NRK: variants seen among roughly 807,000 people sequenced by gnomAD.
NRK encodes Nik related kinase, also known as nik-related protein kinase.
Under a neutral mutation model 125.2 loss-of-function variants are expected in NRK, and 67 were observed. That is an observed-to-expected ratio of 0.54 (90% CI 0.44 to 0.66). The LOEUF (loss-of-function observed/expected upper bound fraction) is 0.66, where lower values mean the gene tolerates loss of function less well. Ranked by LOEUF, NRK falls within the 30% of genes least tolerant of loss-of-function variation. The pLI, the probability that NRK is intolerant of heterozygous loss-of-function variation, is 0.00. For missense variants in NRK, 1,224 were observed against 1,192.9 expected, an observed-to-expected ratio of 1.03 and a Z score of -0.38; for synonymous variants, 458 against 429.0, an observed-to-expected ratio of 1.07 and a Z score of -0.84.
intron 2 of NRK, among the ~76,000 whole-genome samples, chrX:105,855,491 A>T (rs74956018): frequency 9.0e-6 from 1 of 111,250 alleles, no homozygotes; most frequent in East Asian, 2.8e-4. Flanking sequence ...TGAAAGCTTT[A>T]TCCTTAGGGC....
chrX:105,865,671 G>C (rs1337447597), intron 2 of NRK, among the ~76,000 whole-genome samples: 1 of 111,463 alleles, frequency 9.0e-6, no homozygotes, highest in Non-Finnish European at 1.9e-5. Flanking sequence ...ATTAGATTTT[G>C]TATATTAATA....
intron 28 of NRK, 35 bp downstream of exon 28, chrX:105,953,208 A>C (rs750127958): frequency 1.9e-6 from 2 of 1,026,500 alleles, no homozygotes; most frequent in Non-Finnish European, 2.6e-6. Context: ...AGCAAAAATA[A>C]CGCAACCATT....
At chrX:105,931,181 C>A (rs928941652) in intron 19 of NRK, among the ~76,000 whole-genome samples, 6 of 112,522 alleles carry the variant, frequency 5.3e-5, no homozygotes, top group Admixed American at 3.7e-4. Context: ...CTGACCTTTC[C>A]TGGGCCCAAG....
In NRK at chrX:105,889,611, C is replaced by G. The variant is rs771297460; in HGVS notation, c.378+1192C>G. 2.7e-5 allele frequency among the ~76,000 whole-genome samples: 3 copies of G among 112,676 alleles called. No homozygotes were observed. In the South Asian group the frequency reaches 1.1e-3, roughly 42 times the overall value. On this transcript the variant is annotated intron_variant, in intron 5 of 28. Transcript: ENST00000243300. The stretch of plus-strand genomic sequence containing the variant: ...CTTCGGCCTGGACATTCAGGAGTTT[C>G]CATACATCTTCTGAAATCTAGGCAG...
In NRK at chrX:105,945,885, A is replaced by G; in HGVS notation, c.4073A>G (p.Gln1358Arg). ...ATTCCCTACCAAGTATGCATTGATCAATCAGCAGACTCTGAAGGAGACTAC... is the reference window on the plus strand; with the variant it reads ...ATTCCCTACCAAGTATGCATTGATCGATCAGCAGACTCTGAAGGAGACTAC... The part of the protein sequence containing the change: ...ESTAIKVCID[Q>R]SADSEGDYMS... The change falls in exon 25 of 29, where the codon CAA (glutamine) becomes CGA (arginine). Residue 1358 changes from glutamine (Q) to arginine (R), a missense_variant. Physicochemically the swap from Gln to Arg is conservative, Grantham distance 43. Coordinates refer to ENST00000243300, the MANE Select transcript of NRK (RefSeq NM_198465.4). 8 of 1,208,714 alleles carry G rather than the reference A, an allele frequency of 6.6e-6. No individual in the cohort carries two copies. Among genetic ancestry groups the G allele is most frequent in the Non-Finnish European group, 9.0e-6 (8 of 893,057 alleles).
Position 105,888,339 on chromosome X carries a change from T to C in NRK, c.298T>C (p.Tyr100His). The change falls in exon 5 of 29, where the codon TAC becomes CAC. Residue 100 changes from tyrosine (Y) to histidine (H), a missense_variant. By Grantham distance (83) the Tyr-to-His change is moderately conservative (BLOSUM62 2). Coordinates refer to ENST00000243300, the MANE Select transcript of NRK (RefSeq NM_198465.4). ...LRTELNLLRKYSFHKNIVSFY... is the reference protein window; with the variant it reads ...LRTELNLLRKHSFHKNIVSFY... ...GACTGAACTCAACCTTCTGAGGAAG[T>C]ACTCTTTCCACAAAAACATTGTGTC... 8.4e-7 allele frequency: 1 copy of C among 1,194,197 alleles called. No homozygotes were observed. The highest frequency in any genetic ancestry group is 1.8e-5 in the South Asian group (1 of 55,066).
intron 1 of NRK, among the ~76,000 whole-genome samples, chrX:105,826,535 G>C (rs994920852): frequency 9.5e-6 from 1 of 104,773 alleles, no homozygotes; most frequent in Admixed American, 1.1e-4. Context: ...ATTCCTCACG[G>C]CTGTGGCCTT....
chrX:105,919,002 GAA>G (rs57376881), intron 16 of NRK, among the ~76,000 whole-genome samples: 1,281 of 39,490 alleles, frequency 0.032, 23 homozygotes, highest in African/African-American at 0.085. Flanking sequence ...ATGGTTTCCT[GAA>G]AAAAAAAAAA....
intron 2 of NRK, among the ~76,000 whole-genome samples, chrX:105,840,252 G>C (rs1172806309): frequency 9.0e-6 from 1 of 111,630 alleles, no homozygotes; most frequent in East Asian, 2.8e-4. Flanking sequence ...GAAAGTAAAT[G>C]TCATGGGATT....
intron 2 of NRK, among the ~76,000 whole-genome samples, chrX:105,850,332 C>T (rs2039456403): frequency 9.0e-6 from 1 of 111,608 alleles, no homozygotes; most frequent in Non-Finnish European, 1.9e-5. Context: ...TCCACAAAAC[C>T]ACTTTTTCCT....
intron 1 of NRK, among the ~76,000 whole-genome samples, chrX:105,823,666 A>G (rs2039054801): frequency 9.0e-6 from 1 of 110,857 alleles, no homozygotes; most frequent in South Asian, 3.8e-4. Context: ...TTGGTAAGCT[A>G]TTATCGCCGT....
intron 2 of NRK, among the ~76,000 whole-genome samples, chrX:105,853,255 A>T (rs1382633240): frequency 8.9e-6 from 1 of 112,004 alleles, no homozygotes; most frequent in Non-Finnish European, 1.9e-5. Flanking sequence ...GGCAGAAACA[A>T]ACCCAAGTAG....
At chrX:105,884,202 TC>T (rs1449576059) in intron 4 of NRK, among the ~76,000 whole-genome samples, 1 of 111,667 alleles carries the variant, frequency 9.0e-6, no homozygotes, top group Non-Finnish European at 1.9e-5. Context: ...CCTATCCTTT[TC>T]CCCCATAAGA....
intron 2 of NRK, among the ~76,000 whole-genome samples, chrX:105,831,706 TGTGA>T (rs1430208745): frequency 8.9e-6 from 1 of 111,841 alleles, no homozygotes; most frequent in African/African-American, 3.2e-5. Context: ...GAGAAATGTA[TGTGA>T]GTAAGTATGT....
rs368458341 is a variant in NRK at position 105,923,110 on chromosome X, G to A, written c.2611-8G>A. 3.4e-6 allele frequency: 4 copies of A among 1,189,098 alleles called. No homozygotes were observed. The South Asian group carries it at 5.6e-5, about 17-fold the overall frequency. ...TAGAGGCTACATTAACCTTTCTTGTGCACACAGGTTCCAGATGGATTTAAA... is the reference window on the plus strand; with the variant it reads ...TAGAGGCTACATTAACCTTTCTTGTACACACAGGTTCCAGATGGATTTAAA... On this transcript the variant is annotated splice_polypyrimidine_tract_variant and splice_region_variant and intron_variant, in intron 17 of 28. Transcript: ENST00000243300.
chrX:105,921,924 T>C (rs757164792), intron 16 of NRK, 40 bp from the exon 17 acceptor site: 1 of 656,998 alleles, frequency 1.5e-6, no homozygotes, highest in African/African-American at 2.2e-5. Flanking sequence ...GCAATGGCTG[T>C]AATCACCATT....
At chrX:105,855,732 ATATAT>A (rs1457635093) in intron 2 of NRK, among the ~76,000 whole-genome samples, 1 of 112,087 alleles carries the variant, frequency 8.9e-6, no homozygotes, top group Non-Finnish European at 1.9e-5. Context: ...TGTAGATGCC[ATATAT>A]TATGTGAAAG....
chrX:105,906,764 CGTGTGTGTGTGTGT>C (rs61655627), intron 11 of NRK, among the ~76,000 whole-genome samples, 175 bp downstream of exon 11: 10 of 87,532 alleles, frequency 1.1e-4, no homozygotes, highest in Admixed American at 2.6e-4. Context: ...TTTTCTCTTG[CGTGTGTGTGTGTGT>C]GTGTGTGTGT....
chrX:105,853,511 A>C (rs2039497729), intron 2 of NRK, among the ~76,000 whole-genome samples: 1 of 111,942 alleles, frequency 8.9e-6, no homozygotes, highest in Non-Finnish European at 1.9e-5. Context: ...CCATGTGTGC[A>C]CACGCGCAAG....
Sources: allele counts gnomAD v4.1 joint callset (sites outside exome capture counted in the v4.1 genomes callset), GRCh38; gene constraint gnomAD v4.1.1; transcripts MANE v1.5; gene names NCBI Gene and HGNC (gene_info 2026-07-23, HGNC 2026-07-21).